The following FBLN1 variants were observed in gnomAD, a reference collection of about 807,000 sequenced individuals.
The protein encoded by FBLN1 is fibulin 1, also known as fibulin-1.
A neutral mutation model predicts 89.7 loss-of-function variants in FBLN1; 34 were observed. That is an observed-to-expected ratio of 0.38 (90% CI 0.29 to 0.50). The LOEUF (loss-of-function observed/expected upper bound fraction) is 0.50, where lower values mean the gene tolerates loss of function less well. Ranked by LOEUF, FBLN1 falls within the 20% of genes least tolerant of loss-of-function variation. The probability of loss-of-function intolerance (pLI) is 0.92; values close to 1 mark genes in which losing one functional copy is unlikely to be tolerated. For synonymous variants in FBLN1, 393 were observed against 391.3 expected, an observed-to-expected ratio of 1.00 and a Z score of -0.05; for missense variants, 777 against 988.1, an observed-to-expected ratio of 0.79 and a Z score of 2.86.
At position 45,581,780 on chromosome 22, in the gene FBLN1, C is replaced by G. The variant is rs1394498761; in HGVS notation, c.1972+4672C>G. On this transcript the variant is annotated intron_variant, in intron 16 of 16. Coordinates refer to ENST00000327858, the MANE Select transcript of FBLN1 (RefSeq NM_006486.3). This position sits in a 1 kb window ranked among gnomAD's most constrained non-coding sequence, Gnocchi z 7.6. The stretch of plus-strand genomic sequence containing the variant: ...GGGTGAGCCAGACAAGTGGGACACC[C>G]AAACTCACAGCCACGTCTGTGGCTG... Among the ~76,000 whole-genome samples the G allele has an allele frequency of 6.6e-6, 1 of 152,044 alleles. No homozygotes were observed. The highest frequency in any genetic ancestry group is 1.5e-5 in the Non-Finnish European group (1 of 68,004).
chr22:45,529,217 C>T lies in FBLN1; in HGVS notation c.484+1208C>T, dbSNP rs1044722065. Among the ~76,000 whole-genome samples, 4 of 152,186 alleles carry T rather than the reference C, an allele frequency of 2.6e-5. No individual in the cohort carries two copies. The South Asian group carries it at 6.2e-4, about 24-fold the overall frequency. ...CAGTGCCCTCTCCATCTGGAGCTGA[C>T]GATGTATGGGCGAGCAGCTGGGGGC... is the stretch of plus-strand genomic sequence containing the variant. On this transcript the variant is annotated intron_variant, in intron 4 of 16. Coordinates refer to ENST00000327858, the MANE Select transcript of FBLN1 (RefSeq NM_006486.3).
rs1343521078 is a variant in FBLN1, at chr22:45,531,423, G to A, written c.544+99G>A. 1.9e-6 allele frequency: 2 copies of A among 1,038,642 alleles called. No homozygotes were observed. The highest frequency in any genetic ancestry group is 3.0e-6 in the Non-Finnish European group (2 of 663,542). 64.3% of individuals were successfully genotyped at this position (1,038,642 alleles called of 1,614,324 possible). On this transcript the variant is annotated intron_variant, in intron 5 of 16. Coordinates refer to ENST00000327858, the MANE Select transcript of FBLN1 (RefSeq NM_006486.3). This position sits in a 1 kb window ranked among gnomAD's most constrained non-coding sequence, Gnocchi z 4.9. ...TAATCCTAGTACTTTGGGAAGCCAAGGCAGGAGGATTCCTTGAGCCCAGGA... is the reference window on the plus strand; with the variant it reads ...TAATCCTAGTACTTTGGGAAGCCAAAGCAGGAGGATTCCTTGAGCCCAGGA...
chr22:45,538,835 A>G (rs1186491047), intron 8 of FBLN1, among the ~76,000 whole-genome samples: 1 of 152,130 alleles, frequency 6.6e-6, no homozygotes, highest in East Asian at 1.9e-4. Flanking sequence ...TGGGGCCCCA[A>G]GAGCCCATCC....
At position 45,562,792 on chromosome 22, in the gene FBLN1, C is replaced by A; in HGVS notation, c.1698-11719C>A. ...GGTGTGCCCTTCGTGTTGGCTGAATCGGCCAGAGGGGCGGCGGGAGGCCCC... is the reference window on the plus strand; with the variant it reads ...GGTGTGCCCTTCGTGTTGGCTGAATAGGCCAGAGGGGCGGCGGGAGGCCCC... On this transcript the variant is annotated intron_variant, in intron 14 of 16. Coordinates refer to ENST00000327858, the MANE Select transcript of FBLN1 (RefSeq NM_006486.3). The surrounding 1 kb of genome is among the most constrained non-coding windows in gnomAD (Gnocchi z 7.8). The A allele has an allele frequency of 3.1e-6, 3 of 967,772 alleles. No homozygotes were observed. The highest frequency in any genetic ancestry group is 5.0e-6 in the Non-Finnish European group (3 of 605,774). 59.9% of individuals were successfully genotyped at this position (967,772 alleles called of 1,614,324 possible).
intron 16 of FBLN1, among the ~76,000 whole-genome samples, chr22:45,593,447 A>T (rs1161974134): frequency 6.6e-6 from 1 of 152,116 alleles, no homozygotes; most frequent in South Asian, 2.1e-4. Flanking sequence ...GCTTAATTAT[A>T]TCTTTAAGAG....
At chr22:45,533,634 G>A (rs1177088316) in intron 6 of FBLN1, 127 bp from the exon 7 acceptor site, 4 of 1,038,742 alleles carry the variant, frequency 3.9e-6, no homozygotes, top group Non-Finnish European at 5.9e-6. Flanking sequence ...GCACATGGTG[G>A]ACCTGAGCTC....
At position 45,576,014 on chromosome 22, in the gene FBLN1, G is replaced by A. The variant is rs551877755; in HGVS notation, c.1841-963G>A. 1.7e-3 allele frequency among the ~76,000 whole-genome samples: 266 copies of A among 152,034 alleles called. 1 individual carries two copies. Among genetic ancestry groups the A allele is most frequent in the Admixed American group, 3.4e-3 (52 of 15,278 alleles). ...CGGAGCCAGCCGCGAGGACACCAGT[G>A]TTTACACCATGACACAACCATGCGG... On this transcript the variant is annotated intron_variant, in intron 15 of 16. Coordinates refer to ENST00000327858, the MANE Select transcript of FBLN1 (RefSeq NM_006486.3). This position sits in a 1 kb window ranked among gnomAD's most constrained non-coding sequence, Gnocchi z 5.2.
chr22:45,545,117 G>A lies in FBLN1; in HGVS notation c.1321+1591G>A, dbSNP rs912439209. Among the ~76,000 whole-genome samples the A allele has an allele frequency of 1.3e-5, 2 of 152,226 alleles. No individual in the cohort carries two copies. Among genetic ancestry groups the A allele is most frequent in the Non-Finnish European group, 2.9e-5 (2 of 68,044 alleles). On this transcript the variant is annotated intron_variant, in intron 11 of 16. Coordinates refer to ENST00000327858, the MANE Select transcript of FBLN1 (RefSeq NM_006486.3). The surrounding 1 kb of genome is among the most constrained non-coding windows in gnomAD (Gnocchi z 5.9). ...TGGATATGCCACAGTGAGCTGTGGT[G>A]TGCATGATTCTCAAATCGGAGGACG...
At position 45,574,633 on chromosome 22, in the gene FBLN1, G is replaced by T. The variant is rs144939010; in HGVS notation, c.1820G>T (p.Arg607Leu). The change falls in exon 15 of 17, where the codon CGC becomes CTC. Residue 607 changes from arginine (R) to leucine (L), a missense_variant. Physicochemically the swap from Arg to Leu is moderately radical, Grantham distance 102 (BLOSUM62 -2). Coordinates refer to ENST00000327858, the MANE Select transcript of FBLN1 (RefSeq NM_006486.3). The surrounding 1 kb of genome is among the most constrained non-coding windows in gnomAD (Gnocchi z 4.1). ...SHTVISLPTF[R>L]EFTRPEEIIF... is the part of the protein sequence containing the mutation. ...ACCGTCATCTCGCTGCCTACCTTCC[G>T]CGAGTTCACCCGCCCTGAAGGTGAG... 6.2e-7 allele frequency: 1 copy of T among 1,613,946 alleles called. No homozygotes were observed. The highest frequency in any genetic ancestry group is 8.5e-7 in the Non-Finnish European group (1 of 1,180,004).
Position 45,581,187 on chromosome 22 carries a change from G to A in FBLN1, c.1972+4079G>A, listed in dbSNP as rs772988146. 2.0e-5 allele frequency among the ~76,000 whole-genome samples: 3 copies of A among 152,156 alleles called. No homozygotes were observed. The highest frequency in any genetic ancestry group is 4.4e-5 in the Non-Finnish European group (3 of 68,018). ...GGCGGGCTGTGTATCATCAGCGTGC[G>A]GAAGAGAGAGACAGAAAGGCAACTC... is the stretch of plus-strand genomic sequence containing the variant. On this transcript the variant is annotated intron_variant, in intron 16 of 16. Coordinates refer to ENST00000327858, the MANE Select transcript of FBLN1 (RefSeq NM_006486.3). The surrounding 1 kb of genome is among the most constrained non-coding windows in gnomAD (Gnocchi z 7.6).
At chr22:45,587,859 G>A (rs1020286419) in intron 16 of FBLN1, among the ~76,000 whole-genome samples, 18 of 152,110 alleles carry the variant, frequency 1.2e-4, no homozygotes, top group African/African-American at 3.6e-4. Context: ...CTTGGATGCC[G>A]TCCACACGCT....
intron 16 of FBLN1, among the ~76,000 whole-genome samples, chr22:45,594,678 GTGGATGGATTGGTGGATAGATGGA>G (rs1215125257): frequency 2.0e-5 from 3 of 150,936 alleles, no homozygotes; most frequent in Admixed American, 6.6e-5. Flanking sequence ...GGGTAGGTGA[GTGGATGGATTGGTGGATAGATGGA>G]TGGATGGATG....
In FBLN1 at chr22:45,561,959, G is replaced by A. The variant is rs559350607; in HGVS notation, c.1697+11344G>A. ...TGCCTGCTTATAGTCTAGCCGTGCT[G>A]GCAGCTGATTAGATTGTGCCCACCC... On this transcript the variant is annotated intron_variant, in intron 14 of 16. Coordinates refer to ENST00000327858, the MANE Select transcript of FBLN1 (RefSeq NM_006486.3). The surrounding 1 kb of genome is among the most constrained non-coding windows in gnomAD (Gnocchi z 4.7). 6.6e-5 allele frequency among the ~76,000 whole-genome samples: 10 copies of A among 152,266 alleles called. No homozygotes were observed. The highest frequency in any genetic ancestry group is 4.6e-4 in the Admixed American group (7 of 15,298).
rs1281682743 is a variant in FBLN1 at position 45,563,900 on chromosome 22, G to A, written c.1698-10611G>A. On this transcript the variant is annotated intron_variant, in intron 14 of 16. Transcript: ENST00000327858. This position sits in a 1 kb window ranked among gnomAD's most constrained non-coding sequence, Gnocchi z 5.7. ...TCTGTGGTGCAGAAACACGGGATGC[G>A]GTTGCGGCTCCTAGGATGCAGCTCT... 6.6e-6 allele frequency among the ~76,000 whole-genome samples: 1 copy of A among 152,218 alleles called. No individual in the cohort carries two copies. Among genetic ancestry groups the A allele is most frequent in the African/African-American group, 2.4e-5 (1 of 41,462 alleles).
At chr22:45,535,434 T>C in intron 8 of FBLN1, 97 bp downstream of exon 8, 12 of 1,484,070 alleles carry the variant, frequency 8.1e-6, no homozygotes, top group Non-Finnish European at 1.0e-5. Flanking sequence ...CCGCATGGTA[T>C]ACAGAACAGG....
In FBLN1 at chr22:45,574,782, T is replaced by C. The variant is rs904332718; in HGVS notation, c.1840+129T>C. The C allele has an allele frequency of 4.0e-4, 292 of 735,594 alleles. No individual in the cohort carries two copies. Among genetic ancestry groups the C allele is most frequent in the Middle Eastern group, 7.2e-4 (2 of 2,784 alleles). The allele number at this position is 735,594 out of a possible 1,614,324, so 45.6% of individuals were successfully genotyped here. A position where few individuals can be genotyped will look rare whatever the true frequency, so the allele number is the denominator to read the frequency against. Reference sequence around the variant, plus strand: ...GCTTTGAAATGCAGAACTTTCTTTTTTTTTTTTTTTTTTTTTTGAGACGGA... The same window carrying C: ...GCTTTGAAATGCAGAACTTTCTTTTCTTTTTTTTTTTTTTTTTGAGACGGA... On this transcript the variant is annotated intron_variant, in intron 15 of 16. Coordinates refer to ENST00000327858, the MANE Select transcript of FBLN1 (RefSeq NM_006486.3). This position sits in a 1 kb window ranked among gnomAD's most constrained non-coding sequence, Gnocchi z 4.1.
intron 16 of FBLN1, among the ~76,000 whole-genome samples, chr22:45,592,867 G>A (rs1569269062): frequency 6.6e-6 from 1 of 152,132 alleles, no homozygotes. Flanking sequence ...CTCATGGCTG[G>A]CCCCACATGG....
Position 45,579,816 on chromosome 22 carries a change from C to T in FBLN1, c.1972+2708C>T, listed in dbSNP as rs2089027909. Among the ~76,000 whole-genome samples the T allele has an allele frequency of 1.3e-5, 2 of 152,146 alleles. No individual in the cohort carries two copies. Among genetic ancestry groups the T allele is most frequent in the South Asian group, 2.1e-4 (1 of 4,830 alleles). On this transcript the variant is annotated intron_variant, in intron 16 of 16. Transcript: ENST00000327858. This position sits in a 1 kb window ranked among gnomAD's most constrained non-coding sequence, Gnocchi z 5.5. ...TGGGCTTCCATATCCCTACTTCCTT[C>T]TCCCTCCTCTTCTGCCCAGAATAAC... is the stretch of plus-strand genomic sequence containing the variant.
At chr22:45,523,113 T>A (rs780441820) in intron 2 of FBLN1, 3 of 775,784 alleles carry the variant, frequency 3.9e-6, no homozygotes, top group East Asian at 4.9e-5. Context: ...GGCCTCACTG[T>A]GCCAGGACCT....
Sources: gnomAD v4.1 joint callset for allele counts (sites outside exome capture counted in the v4.1 genomes callset) on GRCh38, gnomAD v4.1.1 for gene constraint, Gnocchi (gnomAD v3.1) non-coding constraint, MANE v1.5 for transcripts, NCBI Gene and HGNC (gene_info 2026-07-23, HGNC 2026-07-21) for gene names.